Variants in EDN1 observed in about 807,000 individuals in gnomAD.
The protein encoded by EDN1 is endothelin-1.
A neutral mutation model predicts 21.7 loss-of-function variants in EDN1; 11 were observed. The observed-to-expected ratio is 0.51, with a 90% CI of 0.32 to 0.84. EDN1 has a LOEUF of 0.84. Among genes scored for constraint, EDN1 ranks in the 40% least tolerant of loss-of-function variants. The pLI is 0.03. For missense variants in EDN1, 244 were observed against 262.3 expected, an observed-to-expected ratio of 0.93 and a Z score of 0.48; for synonymous variants, 85 against 90.6, an observed-to-expected ratio of 0.94 and a Z score of 0.35.
chr6:12,273,693 T>G, the EDN1 span, among the ~76,000 whole-genome samples: 1 of 146,604 alleles, frequency 6.8e-6, no homozygotes, highest in Non-Finnish European at 1.5e-5. Context: ...ATGTCTGAAG[T>G]GTGAGCTAGC....
the EDN1 span, among the ~76,000 whole-genome samples, chr6:12,246,804 C>T: frequency 1.3e-5 from 2 of 152,068 alleles, no homozygotes; most frequent in Admixed American, 6.6e-5. Context: ...CACTCTCATC[C>T]GTTAGTCCAG....
the EDN1 span, among the ~76,000 whole-genome samples, chr6:12,264,672 T>C: frequency 6.6e-6 from 1 of 152,170 alleles, no homozygotes; most frequent in East Asian, 1.9e-4. Flanking sequence ...TGAATTTGTG[T>C]TGGGCCACAT....
chr6:12,283,579 G>A, the EDN1 span, among the ~76,000 whole-genome samples: 1 of 152,196 alleles, frequency 6.6e-6, no homozygotes, highest in South Asian at 2.1e-4. Flanking sequence ...TAATGTACAG[G>A]AAGGGGTTCC....
the EDN1 span, among the ~76,000 whole-genome samples, chr6:12,257,195 C>A: frequency 0.011 from 1,661 of 152,290 alleles, 125 homozygotes; most frequent in East Asian, 0.2. Flanking sequence ...ATGATTTATG[C>A]AAACTGACAA....
At chr6:12,262,088 C>G in the EDN1 span, among the ~76,000 whole-genome samples, 2 of 152,194 alleles carry the variant, frequency 1.3e-5, no homozygotes, top group Admixed American at 1.3e-4. Context: ...TCAACTATCT[C>G]AGGTACACCT....
At chr6:12,293,238 C>T (rs751924852) in intron 2 of EDN1, among the ~76,000 whole-genome samples, 1 of 152,210 alleles carries the variant, frequency 6.6e-6, no homozygotes. Context: ...GGACCAAAAT[C>T]CAAACAATAT....
At chr6:12,295,053 A>T (rs183499745) in intron 4 of EDN1, among the ~76,000 whole-genome samples, 8 of 151,294 alleles carry the variant, frequency 5.3e-5, no homozygotes, top group African/African-American at 1.9e-4. Flanking sequence ...AACATCATAG[A>T]GTTGCTCTGA....
chr6:12,283,050 C>T, the EDN1 span, among the ~76,000 whole-genome samples: 2 of 151,960 alleles, frequency 1.3e-5, no homozygotes, highest in South Asian at 4.1e-4. Context: ...TTTTTCTTTC[C>T]ATCAAAAGAA....
the EDN1 span, among the ~76,000 whole-genome samples, chr6:12,273,322 T>C: frequency 1.3e-5 from 2 of 152,168 alleles, no homozygotes; most frequent in African/African-American, 4.8e-5. Flanking sequence ...GTAGGTATTA[T>C]GGCTAGGATA....
the EDN1 span, among the ~76,000 whole-genome samples, chr6:12,279,390 G>A: frequency 1.3e-5 from 2 of 152,186 alleles, no homozygotes; most frequent in African/African-American, 2.4e-5. Flanking sequence ...CTCCACGCTA[G>A]ATAGCTGGTG....
At chr6:12,235,996 G>T in the EDN1 span, among the ~76,000 whole-genome samples, 1 of 152,130 alleles carries the variant, frequency 6.6e-6, no homozygotes, top group Non-Finnish European at 1.5e-5. Flanking sequence ...ACTTTCAAAA[G>T]ATTGTTTCTC....
chr6:12,262,717 T>C, the EDN1 span, among the ~76,000 whole-genome samples: 1 of 151,616 alleles, frequency 6.6e-6, no homozygotes, highest in Non-Finnish European at 1.5e-5. Context: ...ACTAAAAATA[T>C]AAAAATTAGC....
upstream of EDN1, among the ~76,000 whole-genome samples, chr6:12,288,703 A>G (rs1436962590): frequency 1.3e-5 from 2 of 152,018 alleles, no homozygotes; most frequent in Non-Finnish European, 2.9e-5. Flanking sequence ...CCCAGCTGTG[A>G]CTTCGAGGGA....
At chr6:12,243,265 G>A in the EDN1 span, among the ~76,000 whole-genome samples, 6 of 148,010 alleles carry the variant, frequency 4.1e-5, no homozygotes, top group East Asian at 2.2e-4. Context: ...GGCTTCATCC[G>A]TGATGTCCTC....
rs912386275 is a variant in EDN1 at position 12,292,499 on chromosome 6, A to T, written c.223A>T (p.Asn75Tyr). Residue 75 changes from asparagine (N) to tyrosine (Y), a missense_variant, in exon 2 of 5, where the codon AAC becomes TAC. Transcript: ENST00000379375. ...CTGCCACCTGGACATCATTTGGGTC[A>T]ACACTCCCGAGTAAGTCTCTAGAGG... The part of the protein sequence containing the change: ...YFCHLDIIWV[N>Y]TPEHVVPYGL... 1 of 1,614,074 alleles carries T rather than the reference A, an allele frequency of 6.2e-7. No homozygotes were observed. The highest frequency in any genetic ancestry group is 8.5e-7 in the Non-Finnish European group (1 of 1,180,040).
chr6:12,253,299 C>A, the EDN1 span, among the ~76,000 whole-genome samples: 7 of 152,252 alleles, frequency 4.6e-5, no homozygotes, highest in Non-Finnish European at 5.9e-5. Flanking sequence ...ATTTATCAGA[C>A]CCCCTCCTAT....
chr6:12,259,338 G>T, the EDN1 span, among the ~76,000 whole-genome samples: 3 of 151,332 alleles, frequency 2.0e-5, no homozygotes, highest in Non-Finnish European at 1.5e-5. Context: ...AACCTAAAAT[G>T]TTAGCAGCAT....
chr6:12,238,623 G>A, the EDN1 span, among the ~76,000 whole-genome samples: 2 of 152,236 alleles, frequency 1.3e-5, no homozygotes, highest in Non-Finnish European at 2.9e-5. Flanking sequence ...CACGGCTGAT[G>A]CAGCTGTGGT....
At chr6:12,250,531 TG>T in the EDN1 span, among the ~76,000 whole-genome samples, 2 of 152,182 alleles carry the variant, frequency 1.3e-5, no homozygotes, top group Non-Finnish European at 2.9e-5. Flanking sequence ...TTATGCTTTG[TG>T]GGAGAAATTC....
Sources: gnomAD v4.1 joint callset for allele counts (sites outside exome capture counted in the v4.1 genomes callset) on GRCh38, gnomAD v4.1.1 for gene constraint, MANE v1.5 for transcripts, NCBI Gene and HGNC (gene_info 2026-07-23, HGNC 2026-07-21) for gene names.